Variants in EXOC4 observed in about 807,000 individuals in gnomAD.
The protein encoded by EXOC4 is SEC8-like 1.
In EXOC4, 71 loss-of-function variants were observed where a neutral mutation model predicts 107.2. The ratio of observed to expected loss-of-function variants is 0.66; its 90% CI spans 0.55 to 0.81. EXOC4 has a LOEUF of 0.81. Ranked by LOEUF, EXOC4 falls within the 30% of genes least tolerant of loss-of-function variation. EXOC4 has a pLI of 0.00. For synonymous variants in EXOC4, 456 were observed against 441.2 expected (o/e 1.03, Z -0.42); for missense variants, 1,108 against 1,189.6 (o/e 0.93, Z 1.01).
chr7:133,373,587 G>A (rs923662227), intron 6 of EXOC4, among the ~76,000 whole-genome samples: 1 of 152,204 alleles, frequency 6.6e-6, no homozygotes, highest in East Asian at 1.9e-4. Flanking sequence ...GTTTGGATGA[G>A]ATTGTAGTTA....
At chr7:133,382,119 A>G (rs1182262899) in intron 7 of EXOC4, among the ~76,000 whole-genome samples, 1 of 152,174 alleles carries the variant, frequency 6.6e-6, no homozygotes, top group Non-Finnish European at 1.5e-5. Context: ...TAGAGAGGGT[A>G]GAGACTAAGA....
intron 15 of EXOC4, among the ~76,000 whole-genome samples, chr7:134,003,147 C>T (rs769505067): frequency 3.6e-4 from 55 of 152,212 alleles, no homozygotes; most frequent in Admixed American, 9.8e-4. Context: ...AAGTAATGAA[C>T]AACATGGGTG....
At chr7:133,484,043 A>G (rs750627946) in intron 9 of EXOC4, 1 of 1,614,096 alleles carries the variant, frequency 6.2e-7, no homozygotes, top group South Asian at 1.1e-5. Flanking sequence ...GTTGCAGGGT[A>G]GCGGCGAAGA....
intron 12 of EXOC4, among the ~76,000 whole-genome samples, chr7:133,917,043 G>T (rs1213712460): frequency 6.6e-6 from 1 of 152,100 alleles, no homozygotes; most frequent in Non-Finnish European, 1.5e-5. Flanking sequence ...GGCTTTTTCT[G>T]CCTGACAACT....
intron 5 of EXOC4, among the ~76,000 whole-genome samples, chr7:133,343,679 TG>T (rs1795719094): frequency 6.6e-6 from 1 of 151,994 alleles, no homozygotes; most frequent in African/African-American, 2.4e-5. Flanking sequence ...TTGGAATTTC[TG>T]GCTCAAGGTG....
chr7:133,381,133 A>C (rs977873924), intron 7 of EXOC4, among the ~76,000 whole-genome samples: 1 of 152,172 alleles, frequency 6.6e-6, no homozygotes, highest in Non-Finnish European at 1.5e-5. Context: ...GCATTTTTGA[A>C]TAAGAGGTTC....
At chr7:133,635,416 A>G (rs2151019641) in intron 10 of EXOC4, among the ~76,000 whole-genome samples, 1 of 152,310 alleles carries the variant, frequency 6.6e-6, no homozygotes, top group African/African-American at 2.4e-5. Context: ...AAAAACAGAT[A>G]ATTTATTGTG....
intron 9 of EXOC4, among the ~76,000 whole-genome samples, chr7:133,538,847 GAAAGAAAGAA>G (rs1343474177): frequency 5.9e-5 from 2 of 33,764 alleles, no homozygotes; most frequent in Non-Finnish European, 1.0e-4. Context: ...GAAAAAGAAA[GAAAGAAAGAA>G]AGAGAGAGAG....
chr7:133,647,387 A>G (rs1803019627), intron 10 of EXOC4, among the ~76,000 whole-genome samples: 1 of 152,160 alleles, frequency 6.6e-6, no homozygotes, highest in Admixed American at 6.5e-5. Flanking sequence ...TGATGAGCTC[A>G]GCTATGTTAT....
chr7:133,947,827 A>T (rs1220311918), intron 14 of EXOC4, among the ~76,000 whole-genome samples: 1 of 152,222 alleles, frequency 6.6e-6, no homozygotes, highest in Non-Finnish European at 1.5e-5. Context: ...ATATGATAAT[A>T]TCATGGATGC....
At chr7:133,714,157 A>C (rs1400340284) in intron 10 of EXOC4, among the ~76,000 whole-genome samples, 1 of 152,150 alleles carries the variant, frequency 6.6e-6, no homozygotes, top group Non-Finnish European at 1.5e-5. Flanking sequence ...ACTCTTTTGC[A>C]GTTTAAAGGG....
chr7:133,352,430 G>A (rs1205203102), intron 5 of EXOC4, among the ~76,000 whole-genome samples: 4 of 151,776 alleles, frequency 2.6e-5, no homozygotes, highest in Non-Finnish European at 5.9e-5. Context: ...TTTGTCTCTT[G>A]TAATCTTTTT....
chr7:133,649,891 G>A lies in EXOC4; in HGVS notation c.1514+19750G>A, dbSNP rs554329697. On this transcript the variant is annotated intron_variant, in intron 10 of 17. Coordinates refer to ENST00000253861, the MANE Select transcript of EXOC4 (RefSeq NM_021807.4). ...TAAGAGCATAGTTCTTAGAAGTTAT[G>A]ATGATAAATGACTGAATGAGAACCT... is the stretch of plus-strand genomic sequence containing the variant. Among the ~76,000 whole-genome samples the A allele has an allele frequency of 2.0e-5, 3 of 152,134 alleles. No homozygotes were observed. In the South Asian group the frequency reaches 6.2e-4, roughly 32 times the overall value.
intron 10 of EXOC4, among the ~76,000 whole-genome samples, chr7:133,762,749 C>T (rs1034301092): frequency 8.6e-5 from 13 of 151,892 alleles, no homozygotes; most frequent in African/African-American, 3.1e-4. Context: ...TTTTTAATGA[C>T]ACTGGAAAAC....
intron 10 of EXOC4, among the ~76,000 whole-genome samples, chr7:133,671,083 C>T (rs1242860160): frequency 2.6e-5 from 4 of 152,054 alleles, no homozygotes; most frequent in East Asian, 1.9e-4. Context: ...CCCTGAGACC[C>T]GTATACCTGA....
intron 7 of EXOC4, among the ~76,000 whole-genome samples, chr7:133,391,715 G>A (rs536613366): frequency 2.6e-5 from 4 of 152,278 alleles, no homozygotes; most frequent in Non-Finnish European, 4.4e-5. Flanking sequence ...CACTTTAGAG[G>A]AATTACCCAA....
At chr7:133,876,473 C>A (rs936313161) in intron 11 of EXOC4, among the ~76,000 whole-genome samples, 1 of 152,064 alleles carries the variant, frequency 6.6e-6, no homozygotes, top group Non-Finnish European at 1.5e-5. Context: ...CTTAGCTTAG[C>A]TTTTATCACG....
intron 10 of EXOC4, among the ~76,000 whole-genome samples, chr7:133,788,696 T>G (rs1796641863): frequency 6.6e-6 from 1 of 152,162 alleles, no homozygotes; most frequent in Non-Finnish European, 1.5e-5. Context: ...TTTCACCAAG[T>G]TGGCCAGGCT....
chr7:133,727,613 C>A, intron 10 of EXOC4: 1 of 162,646 alleles, frequency 6.1e-6, no homozygotes, highest in South Asian at 1.9e-4. Context: ...CCTCTCCAAC[C>A]CAGTCACCTG....
Sources: gnomAD v4.1 joint callset for allele counts (sites outside exome capture counted in the v4.1 genomes callset) on GRCh38, gnomAD v4.1.1 for gene constraint, MANE v1.5 for transcripts, NCBI Gene and HGNC (gene_info 2026-07-23, HGNC 2026-07-21) for gene names.